Variants in MED15 observed in about 807,000 individuals in gnomAD.
MED15 encodes the protein mediator of RNA polymerase II transcription subunit 15.
Under a neutral mutation model 118.7 loss-of-function variants are expected in MED15, and 41 were observed. The observed-to-expected ratio is 0.35, with a 90% CI of 0.27 to 0.45. The LOEUF (loss-of-function observed/expected upper bound fraction) is 0.45, where lower values mean the gene tolerates loss of function less well. Ranked by LOEUF, MED15 falls within the 20% of genes least tolerant of loss-of-function variation. The probability of loss-of-function intolerance (pLI) is 1.00; values close to 1 mark genes in which losing one functional copy is unlikely to be tolerated. For missense variants in MED15, 740 were observed against 1,025.5 expected (o/e 0.72, Z 3.80); for synonymous variants, 436 against 413.9 (o/e 1.05, Z -0.65).
At chr22:20,509,210 T>A (rs2053980400) in intron 1 of MED15, among the ~76,000 whole-genome samples, 1 of 151,790 alleles carries the variant, frequency 6.6e-6, no homozygotes, top group African/African-American at 2.4e-5. Context: ...AGCACTTTAG[T>A]GGGGGTGTTG....
intron 8 of MED15, among the ~76,000 whole-genome samples, chr22:20,570,726 T>TTTTCTTTCTTTC (rs1359924164): frequency 0.026 from 2,939 of 113,428 alleles, 171 homozygotes; most frequent in South Asian, 0.05. Flanking sequence ...TTCTCTTTTC[T>TTTTCTTTCTTTC]TTTCTTTCTT....
chr22:20,527,976 A>G (rs2054716862), intron 1 of MED15, among the ~76,000 whole-genome samples: 1 of 144,796 alleles, frequency 6.9e-6, no homozygotes, highest in South Asian at 2.2e-4. Context: ...AAAAAAAAAA[A>G]TCAAACTCCT....
chr22:20,565,465 CA>C (rs1254830508), intron 6 of MED15, among the ~76,000 whole-genome samples: 1 of 152,216 alleles, frequency 6.6e-6, no homozygotes, highest in Non-Finnish European at 1.5e-5. Context: ...GTCATGTTAG[CA>C]GCACTGCTTC....
In MED15 at chr22:20,564,731, C is replaced by T. The variant is rs755818337; in HGVS notation, c.690+43C>T. 3.1e-5 allele frequency: 50 copies of T among 1,611,644 alleles called. No homozygotes were observed. The South Asian group carries it at 4.4e-4, about 14-fold the overall frequency. ...CCTGCTCTTGGCCTCCCTCCTGCAG[C>T]GTGAGCCCTGGGCTGGCATCAGCCA... On this transcript the variant is annotated intron_variant, in intron 6 of 17. Transcript: ENST00000263205.
intron 2 of MED15, among the ~76,000 whole-genome samples, chr22:20,545,916 A>G (rs2055516429): frequency 6.6e-6 from 1 of 151,988 alleles, no homozygotes; most frequent in Non-Finnish European, 1.5e-5. Context: ...TGGTTTGGTG[A>G]CTTTTCCCTT....
At chr22:20,570,642 C>G (rs1224188233) in intron 8 of MED15, among the ~76,000 whole-genome samples, 1 of 151,404 alleles carries the variant, frequency 6.6e-6, no homozygotes. Flanking sequence ...TCACCCGCCT[C>G]AGCCTCCCAA....
intron 1 of MED15, chr22:20,523,608 G>A (rs2054534659): frequency 6.2e-6 from 6 of 972,232 alleles, no homozygotes; most frequent in Non-Finnish European, 7.3e-6. Context: ...AGCCATGTGA[G>A]ATCAGCATTT....
At chr22:20,572,420 A>C (rs1043758745) in intron 8 of MED15, among the ~76,000 whole-genome samples, 1 of 152,254 alleles carries the variant, frequency 6.6e-6, no homozygotes, top group Non-Finnish European at 1.5e-5. Context: ...CTTAGAGCCG[A>C]AGAGAGGCGC....
intron 2 of MED15, among the ~76,000 whole-genome samples, chr22:20,538,276 G>A (rs2055157803): frequency 6.6e-6 from 1 of 151,728 alleles, no homozygotes; most frequent in South Asian, 2.1e-4. Context: ...TTTGAGACAG[G>A]GTCTCACTCT....
chr22:20,543,774 T>G lies in MED15; in HGVS notation c.156+6570T>G, dbSNP rs555327986. Among the ~76,000 whole-genome samples, 5 of 152,000 alleles carry G rather than the reference T, an allele frequency of 3.3e-5. No individual in the cohort carries two copies. In the East Asian group the frequency reaches 9.7e-4, roughly 29 times the overall value. On this transcript the variant is annotated intron_variant, in intron 2 of 17. Coordinates refer to ENST00000263205, the MANE Select transcript of MED15 (RefSeq NM_001003891.3). Reference sequence around the variant, plus strand: ...GATTTCACCATGTTGGCCAGGCTGGTCTTGAACTCCTGACCTCAGGTGATC... The same window carrying G: ...GATTTCACCATGTTGGCCAGGCTGGGCTTGAACTCCTGACCTCAGGTGATC...
rs572388174 is a variant in MED15 at position 20,516,884 on chromosome 22, T to C, written c.68+9138T>C. Among the ~76,000 whole-genome samples, 51 of 152,262 alleles carry C rather than the reference T, an allele frequency of 3.3e-4. No homozygotes were observed. In the South Asian group the frequency reaches 3.5e-3, roughly 11 times the overall value. Reference sequence around the variant, plus strand: ...CCCTATGTCCATATACGCACCACTCTGCTTCAGTGATTATCAACTCTTGTC... The same window carrying C: ...CCCTATGTCCATATACGCACCACTCCGCTTCAGTGATTATCAACTCTTGTC... On this transcript the variant is annotated intron_variant, in intron 1 of 17. Coordinates refer to ENST00000263205, the MANE Select transcript of MED15 (RefSeq NM_001003891.3).
chr22:20,527,934 G>A (rs2054712760), intron 1 of MED15, among the ~76,000 whole-genome samples: 1 of 148,382 alleles, frequency 6.7e-6, no homozygotes, highest in Non-Finnish European at 1.5e-5. Flanking sequence ...TCCAGCCTGG[G>A]CGACAGAGCT....
chr22:20,584,270 G>C, intron 13 of MED15, 89 bp from the exon 14 acceptor site: 1 of 1,353,888 alleles, frequency 7.4e-7, no homozygotes, highest in East Asian at 2.3e-5. Context: ...GGTTTCTGAT[G>C]GCTGAGGCCC....
intron 7 of MED15, among the ~76,000 whole-genome samples, chr22:20,567,938 C>T (rs2056502916): frequency 6.6e-6 from 1 of 152,130 alleles, no homozygotes; most frequent in Non-Finnish European, 1.5e-5. Flanking sequence ...CCTCCCTGCT[C>T]AAGCGATTCT....
intron 2 of MED15, among the ~76,000 whole-genome samples, chr22:20,541,155 C>T (rs910909716): frequency 2.0e-5 from 3 of 152,098 alleles, no homozygotes; most frequent in African/African-American, 4.8e-5. Context: ...AGGAGAATGG[C>T]GTGAACCCGG....
At chr22:20,542,676 A>AT (rs1266428195) in intron 2 of MED15, among the ~76,000 whole-genome samples, 1 of 152,228 alleles carries the variant, frequency 6.6e-6, no homozygotes, top group Non-Finnish European at 1.5e-5. Context: ...TTATCAGCCT[A>AT]TTCCTGCTTC....
intron 1 of MED15, among the ~76,000 whole-genome samples, chr22:20,528,381 A>G (rs1221010721): frequency 1.3e-5 from 2 of 152,186 alleles, no homozygotes; most frequent in Non-Finnish European, 2.9e-5. Context: ...TCAGGATGAA[A>G]TTGTTCCACC....
At position 20,507,615 on chromosome 22, in the gene MED15, T is replaced by G. The variant is rs116476024; in HGVS notation, c.-64T>G. On this transcript the variant is annotated 5_prime_UTR_variant, in exon 1 of 18. Coordinates refer to ENST00000263205, the MANE Select transcript of MED15 (RefSeq NM_001003891.3). Reference sequence around the variant, plus strand: ...CGGCTTCCGGGTTTGGGCCTGGCTCTGTGACTGAGGCGGCGGCGGTGGCGG... The same window carrying G: ...CGGCTTCCGGGTTTGGGCCTGGCTCGGTGACTGAGGCGGCGGCGGTGGCGG... 1 of 1,605,166 alleles carries G rather than the reference T, an allele frequency of 6.2e-7. No homozygotes were observed. The highest frequency in any genetic ancestry group is 1.3e-5 in the African/African-American group (1 of 74,770).
chr22:20,583,088 G>A (rs1238900788), intron 11 of MED15, 25 bp from the exon 12 acceptor site: 1 of 1,565,864 alleles, frequency 6.4e-7, no homozygotes, highest in African/African-American at 1.3e-5. Context: ...CGAGGGCTGT[G>A]GCCTCACCCG....
Sources: allele counts gnomAD v4.1 joint callset (sites outside exome capture counted in the v4.1 genomes callset), GRCh38; gene constraint gnomAD v4.1.1; transcripts MANE v1.5; gene names NCBI Gene and HGNC (gene_info 2026-07-23, HGNC 2026-07-21).